FBXL17: variants seen among roughly 807,000 people sequenced by gnomAD.
FBXL17 encodes the protein F-box and leucine rich repeat protein 17, also known as F-box/LRR-repeat protein 17.
A neutral mutation model predicts 66.2 loss-of-function variants in FBXL17; 22 were observed. The observed-to-expected ratio is 0.33, with a 90% confidence interval of 0.24 to 0.47. The LOEUF (loss-of-function observed/expected upper bound fraction) is 0.47, where lower values mean the gene tolerates loss of function less well. Among genes scored for constraint, FBXL17 ranks in the 20% least tolerant of loss-of-function variants. The pLI is 1.00. For synonymous variants in FBXL17, 474 were observed against 400.5 expected (o/e 1.18, Z -2.19); for missense variants, 878 against 948.2 (o/e 0.93, Z 0.97).
intron 5 of FBXL17, among the ~76,000 whole-genome samples, chr5:108,214,119 TTTA>T (rs2150064561): frequency 1.3e-5 from 2 of 152,252 alleles, no homozygotes; most frequent in Admixed American, 1.3e-4. Flanking sequence ...ATTGTTCTAT[TTTA>T]TTATTAGTTA....
At chr5:107,998,595 T>C (rs894309830) in intron 7 of FBXL17, among the ~76,000 whole-genome samples, 5 of 151,850 alleles carry the variant, frequency 3.3e-5, no homozygotes, top group African/African-American at 9.7e-5. Context: ...TCTAAATATA[T>C]ACAATGACAC....
At chr5:107,904,898 G>A (rs1749701218) in intron 7 of FBXL17, among the ~76,000 whole-genome samples, 2 of 151,942 alleles carry the variant, frequency 1.3e-5, no homozygotes, top group Admixed American at 1.3e-4. Flanking sequence ...CAATTTTGCG[G>A]CAGGACCTCT....
At chr5:107,946,258 TATA>T (rs1561333363) in intron 7 of FBXL17, among the ~76,000 whole-genome samples, 918 of 21,960 alleles carry the variant, frequency 0.042, 68 homozygotes, top group Non-Finnish European at 0.046. Context: ...TCTCATTTTA[TATA>T]TATATATATA....
chr5:108,086,178 AT>A (rs1380326088), intron 6 of FBXL17, among the ~76,000 whole-genome samples: 2 of 152,106 alleles, frequency 1.3e-5, no homozygotes, highest in African/African-American at 4.8e-5. Flanking sequence ...CTGCCCCATA[AT>A]TCCTCAATCC....
rs569275727 is a variant in FBXL17, at chr5:108,294,844, T to A, written c.1506+53555A>T. On this transcript the variant is annotated intron_variant, in intron 4 of 8. Transcript: ENST00000542267. ...TTCTGCAATAAACCTTGTTACAGAA[T>A]GACTTACTTCATATCCACAGTTGTT... Among the ~76,000 whole-genome samples, 40 of 152,268 alleles carry A rather than the reference T, an allele frequency of 2.6e-4. 1 individual carries two copies. The South Asian group carries it at 8.3e-3, about 32-fold the overall frequency.
chr5:108,133,601 C>G (rs567522663), intron 6 of FBXL17, among the ~76,000 whole-genome samples: 1 of 151,592 alleles, frequency 6.6e-6, no homozygotes, highest in Non-Finnish European at 1.5e-5. Context: ...AGACAGCATG[C>G]AGAGATCTGC....
At chr5:107,871,149 G>A (rs1035158393) in intron 8 of FBXL17, among the ~76,000 whole-genome samples, 1 of 149,878 alleles carries the variant, frequency 6.7e-6, no homozygotes, top group African/African-American at 2.5e-5. Context: ...ACAGAGGCAG[G>A]CTCATAAATT....
intron 4 of FBXL17, chr5:108,298,930 A>G: frequency 1.1e-6 from 1 of 947,100 alleles, no homozygotes; most frequent in Admixed American, 6.2e-5. Flanking sequence ...ACTGATTTAA[A>G]TAATATTATT....
At chr5:108,062,081 A>G (rs1747945744) in intron 6 of FBXL17, among the ~76,000 whole-genome samples, 1 of 152,078 alleles carries the variant, frequency 6.6e-6, no homozygotes, top group Non-Finnish European at 1.5e-5. Flanking sequence ...AGTCAGAATA[A>G]ATAAAATTGA....
chr5:108,275,503 A>G (rs1398149704), intron 4 of FBXL17, among the ~76,000 whole-genome samples: 1 of 152,160 alleles, frequency 6.6e-6, no homozygotes, highest in Non-Finnish European at 1.5e-5. Flanking sequence ...GCCTACTTCT[A>G]TTGCCACTAA....
At chr5:107,982,786 T>C (rs1160654832) in intron 7 of FBXL17, among the ~76,000 whole-genome samples, 1 of 152,194 alleles carries the variant, frequency 6.6e-6, no homozygotes, top group East Asian at 1.9e-4. Flanking sequence ...TAATGCCCTG[T>C]TGTACTTTCA....
intron 6 of FBXL17, among the ~76,000 whole-genome samples, chr5:108,153,181 C>T (rs1432361369): frequency 6.6e-6 from 1 of 152,166 alleles, no homozygotes; most frequent in African/African-American, 2.4e-5. Context: ...ATAAATTACC[C>T]AGTCTTGGGT....
chr5:108,197,080 T>C (rs571552594), intron 5 of FBXL17, among the ~76,000 whole-genome samples: 25 of 151,780 alleles, frequency 1.6e-4, no homozygotes, highest in East Asian at 1.6e-3. Context: ...CAGTCTCTAA[T>C]TGAGTTTTTT....
At chr5:108,323,104 G>T (rs907898670) in intron 4 of FBXL17, among the ~76,000 whole-genome samples, 1 of 151,548 alleles carries the variant, frequency 6.6e-6, no homozygotes, top group African/African-American at 2.4e-5. Context: ...TATAACCAGA[G>T]AAATTAGAGG....
chr5:108,283,852 T>C (rs887725359), intron 4 of FBXL17, among the ~76,000 whole-genome samples: 1 of 151,284 alleles, frequency 6.6e-6, no homozygotes, highest in Admixed American at 6.6e-5. Context: ...AGACTACAAA[T>C]AACCCCATTT....
At chr5:107,907,860 G>T (rs1245462018) in intron 7 of FBXL17, among the ~76,000 whole-genome samples, 2 of 151,966 alleles carry the variant, frequency 1.3e-5, no homozygotes, top group African/African-American at 2.4e-5. Context: ...CTGTAAACTA[G>T]TTCAACCATT....
chr5:107,935,754 T>C (rs1175922887), intron 7 of FBXL17, among the ~76,000 whole-genome samples: 2 of 152,064 alleles, frequency 1.3e-5, no homozygotes, highest in African/African-American at 4.8e-5. Context: ...TGAATAGAAA[T>C]GCCAGCACCA....
chr5:108,156,398 T>C (rs1203606069), intron 6 of FBXL17, among the ~76,000 whole-genome samples: 1 of 152,002 alleles, frequency 6.6e-6, no homozygotes, highest in African/African-American at 2.4e-5. Flanking sequence ...ATATTTGATA[T>C]CACTAAATAA....
At chr5:108,357,806 G>A (rs568473795) in intron 3 of FBXL17, among the ~76,000 whole-genome samples, 1 of 151,592 alleles carries the variant, frequency 6.6e-6, no homozygotes, top group East Asian at 1.9e-4. Context: ...TGAATGACAC[G>A]TTTCTTAATA....
Sources: allele counts gnomAD v4.1 joint callset (sites outside exome capture counted in the v4.1 genomes callset), GRCh38; gene constraint gnomAD v4.1.1; transcripts MANE v1.5; gene names NCBI Gene and HGNC (gene_info 2026-07-23, HGNC 2026-07-21).